The following POMT2 variants were observed in gnomAD, a reference collection of about 807,000 sequenced individuals.
POMT2 encodes protein O-mannosyltransferase 2.
In POMT2, 75 loss-of-function variants were observed where a neutral mutation model predicts 100.0. The observed-to-expected ratio is 0.75, with a 90% CI of 0.62 to 0.91. The LOEUF (loss-of-function observed/expected upper bound fraction) is 0.91. Ranked by LOEUF, POMT2 falls within the 40% of genes least tolerant of loss-of-function variation. POMT2 has a pLI of 0.00. For synonymous variants in POMT2, 378 were observed against 374.1 expected, an observed-to-expected ratio of 1.01 and a Z score of -0.12; for missense variants, 940 against 955.1, an observed-to-expected ratio of 0.98 and a Z score of 0.21.
At chr14:77,294,068 C>T (rs1178580426) in intron 9 of POMT2, among the ~76,000 whole-genome samples, 1 of 152,132 alleles carries the variant, frequency 6.6e-6, no homozygotes. Flanking sequence ...GCAGTGGAGT[C>T]CAGGCATCAG....
chr14:77,314,269 C>T (rs1293022266), intron 1 of POMT2, among the ~76,000 whole-genome samples: 3 of 152,242 alleles, frequency 2.0e-5, no homozygotes, highest in East Asian at 3.9e-4. Flanking sequence ...TAATATTACT[C>T]AGCTGTGATG....
intron 14 of POMT2, chr14:77,284,468 C>T (rs1055735037): frequency 4.7e-6 from 1 of 211,476 alleles, no homozygotes; most frequent in African/African-American, 2.3e-5. Flanking sequence ...AATCCAAATA[C>T]TTATTGAGTT....
At chr14:77,284,320 C>A in intron 14 of POMT2, 1 of 240,784 alleles carries the variant, frequency 4.2e-6, no homozygotes, top group Non-Finnish European at 8.2e-6. Flanking sequence ...GTCCACAGGG[C>A]CCCATGTGGT....
chr14:77,280,141 G>T (rs536173082), intron 16 of POMT2, 61 bp from the exon 17 acceptor site: 513 of 1,612,184 alleles, frequency 3.2e-4, no homozygotes, highest in Non-Finnish European at 4.0e-4. Context: ...ACACCCATTA[G>T]GGGGAGGAAG....
chr14:77,313,646 A>C (rs1891520315), intron 1 of POMT2, among the ~76,000 whole-genome samples: 2 of 152,314 alleles, frequency 1.3e-5, no homozygotes, highest in Admixed American at 1.3e-4. Context: ...TAGTTTTTAA[A>C]TCTGTTTGGG....
At chr14:77,283,067 T>C (rs1225767184) in intron 15 of POMT2, among the ~76,000 whole-genome samples, 1 of 152,250 alleles carries the variant, frequency 6.6e-6, no homozygotes, top group Non-Finnish European at 1.5e-5. Context: ...CTTAAACCTT[T>C]GATGCTACAA....
intron 12 of POMT2, among the ~76,000 whole-genome samples, chr14:77,286,158 G>C (rs1212573672): frequency 2.0e-5 from 3 of 152,208 alleles, no homozygotes; most frequent in Admixed American, 2.0e-4. Context: ...TGTGGAATGA[G>C]CAAACAGAAA....
At chr14:77,306,292 T>C in intron 3 of POMT2, 45 bp downstream of exon 3, 5 of 1,606,892 alleles carry the variant, frequency 3.1e-6, no homozygotes, top group Non-Finnish European at 4.3e-6. Context: ...TGGTTTAGTG[T>C]GGCCCCAGGG....
At position 77,285,635 on chromosome 14, in the gene POMT2, G is replaced by A; in HGVS notation, c.1333-3C>T. ...TCATTTGAGTCCCCTGTTCCATTCT[G>A]CCATAAAAGCCAAGAAAAAAATACA... is the stretch of plus-strand genomic sequence containing the variant. On this transcript the variant is annotated splice_polypyrimidine_tract_variant and splice_region_variant and intron_variant, in intron 12 of 20. Transcript: ENST00000261534. 2 of 1,611,520 alleles carry A rather than the reference G, an allele frequency of 1.2e-6. No homozygotes were observed. The highest frequency in any genetic ancestry group is 1.7e-6 in the Non-Finnish European group (2 of 1,177,690).
At chr14:77,318,548 G>A (rs543703626) in intron 1 of POMT2, among the ~76,000 whole-genome samples, 7 of 152,150 alleles carry the variant, frequency 4.6e-5, no homozygotes, top group African/African-American at 1.7e-4. Flanking sequence ...CTTGTCTAGT[G>A]ATTGAGGCTG....
intron 2 of POMT2, 118 bp from the exon 3 acceptor site, chr14:77,306,559 GAAAATGTTGCCAATGCAACATTTT>G: frequency 8.5e-7 from 1 of 1,177,932 alleles, no homozygotes. Context: ...ACTGTCCATA[GAAAATGTTGCCAATGCAACATTTT>G]CTCCTGCAGC....
At chr14:77,279,533 T>G in intron 18 of POMT2, 1 of 561,788 alleles carries the variant, frequency 1.8e-6, no homozygotes, top group Middle Eastern at 2.7e-4. Context: ...GCTCTATCAC[T>G]TACTAGCTGT....
chr14:77,278,184 A>T, intron 20 of POMT2: 2 of 588,204 alleles, frequency 3.4e-6, no homozygotes, highest in Non-Finnish European at 6.1e-6. Context: ...GAAAAGGCAG[A>T]GTTAAGCCCT....
At position 77,320,700 on chromosome 14, in the gene POMT2, C is replaced by A; in HGVS notation, c.-19G>T. 1 of 1,590,988 alleles carries A rather than the reference C, an allele frequency of 6.3e-7. No homozygotes were observed. The highest frequency in any genetic ancestry group is 1.1e-5 in the South Asian group (1 of 90,436). On this transcript the variant is annotated 5_prime_UTR_variant, in exon 1 of 21. Transcript: ENST00000261534. ...GCGGCATCTTCCCCCTCCTCTGGGT[C>A]GCCCTCCGGCCCGGAGGCACACTTT...
At chr14:77,283,309 T>G (rs1890295866) in intron 15 of POMT2, among the ~76,000 whole-genome samples, 1 of 152,234 alleles carries the variant, frequency 6.6e-6, no homozygotes, top group Non-Finnish European at 1.5e-5. Flanking sequence ...CCAAGAGCAC[T>G]ATGATTTTCA....
Position 77,301,132 on chromosome 14 carries a change from A to G in POMT2, c.774T>C (p.Ile258=), listed in dbSNP as rs748022643. Reference sequence around the variant, plus strand: ...CTCCGAACAGGTACCAAAGGTCTGCAATGGTGTTCAGCCCCACTTGAAGGA... The same window carrying G: ...CTCCGAACAGGTACCAAAGGTCTGCGATGGTGTTCAGCCCCACTTGAAGGA... ...FIILQVGLNT[I]ADLWYLFGDL... is the part of the protein sequence containing the mutation. Residue 258 remains isoleucine, a synonymous_variant, in exon 6 of 21, where the codon ATT becomes ATC. Coordinates refer to ENST00000261534, the MANE Select transcript of POMT2 (RefSeq NM_013382.7). The G allele has an allele frequency of 3.7e-6, 6 of 1,614,100 alleles. No homozygotes were observed. The Admixed American group carries it at 1.0e-4, about 27-fold the overall frequency.
chr14:77,299,746 A>G, intron 6 of POMT2, 185 bp from the exon 7 acceptor site: 1 of 584,676 alleles, frequency 1.7e-6, no homozygotes, highest in Non-Finnish European at 3.2e-6. Flanking sequence ...AGCACTACAC[A>G]AGATAAACAT....
intron 5 of POMT2, among the ~76,000 whole-genome samples, chr14:77,301,854 T>C (rs1891056425): frequency 6.6e-6 from 1 of 152,104 alleles, no homozygotes. Flanking sequence ...TTAGTGCTCT[T>C]AACCATTTTG....
chr14:77,301,357 C>T, intron 5 of POMT2, 108 bp from the exon 6 acceptor site: 1 of 1,441,702 alleles, frequency 6.9e-7, no homozygotes, highest in South Asian at 1.2e-5. Context: ...GTGCTGTGCC[C>T]TGTCTTGGGG....
Sources: allele counts gnomAD v4.1 joint callset (sites outside exome capture counted in the v4.1 genomes callset), GRCh38; gene constraint gnomAD v4.1.1; transcripts MANE v1.5; gene names NCBI Gene and HGNC (gene_info 2026-07-23, HGNC 2026-07-21).